Variants in CNTN5 observed in about 807,000 individuals in gnomAD.
CNTN5 encodes contactin 5.
CNTN5 carries 77 observed loss-of-function variants against 129.1 expected under a neutral mutation model. That is an observed-to-expected ratio of 0.60 (90% CI 0.50 to 0.72). The LOEUF (loss-of-function observed/expected upper bound fraction) is 0.72, where lower values mean the gene tolerates loss of function less well. Among genes scored for constraint, CNTN5 ranks in the 30% least tolerant of loss-of-function variants. The probability of loss-of-function intolerance (pLI) is 0.00; values close to 1 mark genes in which losing one functional copy is unlikely to be tolerated. For synonymous variants in CNTN5, 509 were observed against 465.6 expected (o/e 1.09, Z -1.20); for missense variants, 1,478 against 1,328.8 (o/e 1.11, Z -1.75).
At chr11:100,034,522 A>G (rs1941879305) in intron 9 of CNTN5, among the ~76,000 whole-genome samples, 1 of 152,122 alleles carries the variant, frequency 6.6e-6, no homozygotes, top group South Asian at 2.1e-4. Context: ...CCTACCTCTA[A>G]CCTTGCTTAT....
rs888778543 is a variant in CNTN5, at chr11:99,682,669, A to C, written c.55+126400A>C. Among the ~76,000 whole-genome samples, 7 of 152,084 alleles carry C rather than the reference A, an allele frequency of 4.6e-5. No individual in the cohort carries two copies. In the East Asian group the frequency reaches 1.2e-3, roughly 25 times the overall value. On this transcript the variant is annotated intron_variant, in intron 3 of 24. Coordinates refer to ENST00000524871, the MANE Select transcript of CNTN5 (RefSeq NM_014361.4). The stretch of plus-strand genomic sequence containing the variant: ...ACCTATTACAATAAAAAGATTTTAA[A>C]ATTGGCACATAAAACCAAAATCTAT...
At chr11:99,946,364 G>C (rs1332936159) in intron 7 of CNTN5, among the ~76,000 whole-genome samples, 1 of 152,034 alleles carries the variant, frequency 6.6e-6, no homozygotes, top group African/African-American at 2.4e-5. Flanking sequence ...AGGAACAGAG[G>C]CTTAGTGGGA....
intron 2 of CNTN5, among the ~76,000 whole-genome samples, chr11:99,454,824 A>G (rs1186296367): frequency 6.6e-6 from 1 of 152,168 alleles, no homozygotes; most frequent in Non-Finnish European, 1.5e-5. Context: ...TATGAAGGAT[A>G]CTGTGGAACA....
intron 3 of CNTN5, among the ~76,000 whole-genome samples, chr11:99,766,682 A>G (rs1944767088): frequency 6.6e-6 from 1 of 152,028 alleles, no homozygotes; most frequent in Non-Finnish European, 1.5e-5. Flanking sequence ...TTATTTTTTC[A>G]TCATTTCCCT....
chr11:99,542,164 A>T (rs1008692149), intron 2 of CNTN5, among the ~76,000 whole-genome samples: 1 of 152,076 alleles, frequency 6.6e-6, no homozygotes, highest in Admixed American at 6.6e-5. Context: ...CACCTCAAAC[A>T]TTTATAACTT....
intron 3 of CNTN5, among the ~76,000 whole-genome samples, chr11:99,695,961 T>C (rs762430316): frequency 1.1e-4 from 17 of 152,132 alleles, no homozygotes; most frequent in Non-Finnish European, 2.1e-4. Flanking sequence ...ATAATACTTG[T>C]ATATGGTAAG....
At chr11:99,575,406 G>A (rs1481612238) in intron 3 of CNTN5, among the ~76,000 whole-genome samples, 5 of 152,174 alleles carry the variant, frequency 3.3e-5, no homozygotes, top group African/African-American at 7.2e-5. Context: ...GGAACTGCTT[G>A]TGGTCATTGG....
At position 100,357,100 on chromosome 11, in the gene CNTN5, C is replaced by G. The variant is rs1158343454; in HGVS notation, c.*880C>G. 6.6e-6 allele frequency: 1 copy of G among 151,680 alleles called. No homozygotes were observed. 9.4% of individuals were successfully genotyped at this position (151,680 alleles called of 1,614,324 possible). On this transcript the variant is annotated 3_prime_UTR_variant, in exon 25 of 25. Transcript: ENST00000524871. ...TCCATTTCTTTACCTACTGCCAAAA[C>G]AGATGTTGAATTAGGTCCAAGGTTT... is the stretch of plus-strand genomic sequence containing the variant.
intron 3 of CNTN5, among the ~76,000 whole-genome samples, chr11:99,669,472 G>GTA (rs10633938): frequency 1.7e-4 from 4 of 23,212 alleles, no homozygotes; most frequent in South Asian, 8.4e-4. Flanking sequence ...GTGTGTGTGT[G>GTA]TATATGTGTA....
chr11:99,588,666 A>G (rs749750970), intron 3 of CNTN5, among the ~76,000 whole-genome samples: 1 of 152,170 alleles, frequency 6.6e-6, no homozygotes, highest in Non-Finnish European at 1.5e-5. Context: ...GAAAATTCCT[A>G]AAACCAGAGG....
At chr11:99,474,708 T>G (rs1945303198) in intron 2 of CNTN5, among the ~76,000 whole-genome samples, 1 of 152,142 alleles carries the variant, frequency 6.6e-6, no homozygotes, top group Non-Finnish European at 1.5e-5. Flanking sequence ...CAATTTTTAA[T>G]GTCACTATAT....
chr11:100,113,780 C>G (rs117425552), intron 13 of CNTN5, among the ~76,000 whole-genome samples: 2 of 151,998 alleles, frequency 1.3e-5, no homozygotes, highest in Non-Finnish European at 1.5e-5. Flanking sequence ...ATTACTTTAC[C>G]TTCTTGGTAA....
In CNTN5 at chr11:99,579,681, G is replaced by A. The variant is rs776522992; in HGVS notation, c.55+23412G>A. Among the ~76,000 whole-genome samples the A allele has an allele frequency of 5.3e-3, 729 of 137,226 alleles. 3 individuals are homozygous for A. The highest frequency in any genetic ancestry group is 8.4e-3 in the Non-Finnish European group (540 of 64,628). 90.0% of individuals were successfully genotyped at this position (137,226 alleles called of 152,430 possible). On this transcript the variant is annotated intron_variant, in intron 3 of 24. Transcript: ENST00000524871. ...CTTGTGATTTTTGCACATTGATTTT[G>A]TATCCTGAGACTTTGCTGAAGTTGC...
intron 9 of CNTN5, among the ~76,000 whole-genome samples, chr11:100,028,006 GAATAGA>G (rs1941512583): frequency 6.6e-6 from 1 of 152,038 alleles, no homozygotes; most frequent in Non-Finnish European, 1.5e-5. Context: ...CTAACCAAGA[GAATAGA>G]AATAAAGTTA....
At chr11:99,595,361 A>C (rs1950094552) in intron 3 of CNTN5, among the ~76,000 whole-genome samples, 1 of 152,120 alleles carries the variant, frequency 6.6e-6, no homozygotes, top group Admixed American at 6.5e-5. Context: ...TATATTAAAA[A>C]ATAAAATAAG....
At chr11:99,978,281 A>C (rs570558451) in intron 8 of CNTN5, among the ~76,000 whole-genome samples, 1 of 152,354 alleles carries the variant, frequency 6.6e-6, no homozygotes, top group Admixed American at 6.5e-5. Context: ...GTTAAAAATA[A>C]GTTTATAAAG....
At chr11:100,075,114 A>G in intron 13 of CNTN5, among the ~76,000 whole-genome samples, 1 of 152,202 alleles carries the variant, frequency 6.6e-6, no homozygotes, top group East Asian at 1.9e-4. Context: ...TCTACATAAA[A>G]TATAATTAAA....
In CNTN5 at chr11:100,061,516, C is replaced by T. The variant is rs574072302; in HGVS notation, c.1162+123C>T. 1.1e-4 allele frequency: 72 copies of T among 673,756 alleles called. No homozygotes were observed. The African/African-American group carries it at 1.2e-3, about 11-fold the overall frequency. 41.7% of individuals were successfully genotyped at this position (673,756 alleles called of 1,614,324 possible). On this transcript the variant is annotated intron_variant, in intron 10 of 24. Coordinates refer to ENST00000524871, the MANE Select transcript of CNTN5 (RefSeq NM_014361.4). ...AACCAAGTAATAATTTATAATCATA[C>T]TTCATTCGTATGGTAAGGCATCATG...
In CNTN5 at chr11:99,590,069, C is replaced by T. The variant is rs77124997; in HGVS notation, c.55+33800C>T. 6.5e-3 allele frequency among the ~76,000 whole-genome samples: 994 copies of T among 152,128 alleles called. 9 individuals carry two copies. The highest frequency in any genetic ancestry group is 0.022 in the African/African-American group (931 of 41,492). On this transcript the variant is annotated intron_variant, in intron 3 of 24. Coordinates refer to ENST00000524871, the MANE Select transcript of CNTN5 (RefSeq NM_014361.4). ...ACTTCAGGTATAGAGGAGGAAGGAT[C>T]ATCCAGAGGAAGATAAACATCATGA...
Sources: gnomAD v4.1 joint callset for allele counts (sites outside exome capture counted in the v4.1 genomes callset) on GRCh38, gnomAD v4.1.1 for gene constraint, MANE v1.5 for transcripts, NCBI Gene and HGNC (gene_info 2026-07-23, HGNC 2026-07-21) for gene names.